The following SREBF1 variants were observed in gnomAD, a reference collection of about 807,000 sequenced individuals.
SREBF1 encodes sterol regulatory element-binding protein 1.
SREBF1 carries 45 observed loss-of-function variants against 100.1 expected under a neutral mutation model. The observed-to-expected ratio is 0.45, with a 90% CI of 0.35 to 0.58. SREBF1 has a LOEUF of 0.58. Ranked by LOEUF, SREBF1 falls within the 20% of genes least tolerant of loss-of-function variation. SREBF1 has a pLI of 0.00. For missense variants in SREBF1, 1,324 were observed against 1,539.4 expected (o/e 0.86, Z 2.34); for synonymous variants, 657 against 681.8 (o/e 0.96, Z 0.57).
intron 5 of SREBF1, 33 bp from the exon 6 acceptor site, chr17:17,818,407 G>C: frequency 6.4e-7 from 1 of 1,561,396 alleles, no homozygotes; most frequent in South Asian, 1.1e-5. Context: ...GGAGCGCACA[G>C]GTGGCCTGTC....
chr17:17,830,134 A>G (rs2034767730), intron 1 of SREBF1, among the ~76,000 whole-genome samples: 1 of 152,194 alleles, frequency 6.6e-6, no homozygotes, highest in Admixed American at 6.5e-5. Context: ...ATTGCTGCTA[A>G]CATTTGTTGA....
chr17:17,816,559 C>T lies in SREBF1; in HGVS notation c.1945G>A (p.Ala649Thr). Reference protein sequence around the residue: ...LWVGRWLAGRAGGLQQDCALR... With the variant: ...LWVGRWLAGRTGGLQQDCALR... The stretch of plus-strand genomic sequence containing the variant: ...GCACAGTCCTGCTGCAGGCCCCCTG[C>T]CCGGCCTGCCAGCCAGCGGCCCACC... The change falls in exon 10 of 19, where the codon GCA becomes ACA. Residue 649 changes from alanine (A) to threonine (T), a missense_variant. By Grantham distance (58) the Ala-to-Thr change is moderately conservative. Coordinates refer to ENST00000261646, the MANE Select transcript of SREBF1 (RefSeq NM_004176.5). 6.2e-7 allele frequency: 1 copy of T among 1,604,176 alleles called. No individual in the cohort carries two copies. The highest frequency in any genetic ancestry group is 1.1e-5 in the South Asian group (1 of 89,678).
chr17:17,821,039 C>T (rs1567977828), intron 1 of SREBF1, among the ~76,000 whole-genome samples: 1 of 152,216 alleles, frequency 6.6e-6, no homozygotes, highest in Non-Finnish European at 1.5e-5. Context: ...AACTAAGCAA[C>T]TTTCTGGGGA....
chr17:17,812,667 C>T lies in SREBF1; in HGVS notation c.3399G>A (p.Gln1133=). The change falls in exon 19 of 19, where the codon CAG becomes CAA. Residue 1133 remains glutamine (Q), a synonymous_variant. Transcript: ENST00000261646. The stretch of plus-strand genomic sequence containing the variant: ...TCCCACCGCCCAGGCGCATGAGCAT[C>T]TGCTGACAGTCGTGCAGCAGCCGGC... The part of the protein sequence containing the change: ...GDRRLLHDCQ[Q]MLMRLGGGTT... 1 of 1,608,978 alleles carries T rather than the reference C, an allele frequency of 6.2e-7. No individual in the cohort carries two copies. The highest frequency in any genetic ancestry group is 1.1e-5 in the South Asian group (1 of 90,248).
Position 17,811,674 on chromosome 17 carries a change from G to T in SREBF1, c.*948C>A. 2.2e-6 allele frequency: 1 copy of T among 452,274 alleles called. No homozygotes were observed. The highest frequency in any genetic ancestry group is 4.4e-6 in the Non-Finnish European group (1 of 225,342). The allele number at this position is 452,274 out of a possible 1,614,324, so 28.0% of individuals were successfully genotyped here. A position where few individuals can be genotyped will look rare whatever the true frequency, so the allele number is the denominator to read the frequency against. On this transcript the variant is annotated 3_prime_UTR_variant, in exon 19 of 19. Transcript: ENST00000261646. ...CTTTGCTGTGAGATGACCAGGGGCC[G>T]GGATGGGGGAGGTGAGACGTGCCAG...
In SREBF1 at chr17:17,824,295, A is replaced by C. The variant is rs1362177034; in HGVS notation, c.92-3774T>G. On this transcript the variant is annotated intron_variant, in intron 1 of 18. Transcript: ENST00000261646. This position sits in a 1 kb window ranked among gnomAD's most constrained non-coding sequence, Gnocchi z 4.2. ...GGGGCTGATGGTCTGGGATGAGGCC[A>C]CTCCTGAAAACAGGTCACTTCCGGG... Among the ~76,000 whole-genome samples the C allele has an allele frequency of 1.3e-5, 2 of 152,048 alleles. No individual in the cohort carries two copies. Among genetic ancestry groups the C allele is most frequent in the Non-Finnish European group, 2.9e-5 (2 of 67,982 alleles).
Position 17,813,779 on chromosome 17 carries a change from G to T in SREBF1, c.2902-10C>A. On this transcript the variant is annotated splice_polypyrimidine_tract_variant and intron_variant, in intron 16 of 18. Coordinates refer to ENST00000261646, the MANE Select transcript of SREBF1 (RefSeq NM_004176.5). ...GGAACAGCTGCACGGCCTGGGGGTG[G>T]CAGGCAGGGCAGGGGTCACCAGGGC... 6.5e-7 allele frequency: 1 copy of T among 1,535,112 alleles called. No homozygotes were observed. The highest frequency in any genetic ancestry group is 8.7e-7 in the Non-Finnish European group (1 of 1,146,402).
chr17:17,823,643 C>A, intron 1 of SREBF1: 1 of 1,533,870 alleles, frequency 6.5e-7, no homozygotes, highest in African/African-American at 1.4e-5. Flanking sequence ...AGCCGTTGAG[C>A]GCTGCGGCGC....
At chr17:17,813,903 C>T (rs1302588645) in intron 16 of SREBF1, 134 bp from the exon 17 acceptor site, 1 of 965,462 alleles carries the variant, frequency 1.0e-6, no homozygotes. Flanking sequence ...ACGTGCAATG[C>T]AACAGCAATG....
rs1189994079 is a variant in SREBF1 at position 17,817,100 on chromosome 17, A to G, written c.1643T>C (p.Val548Ala). ...CAACAGCCCATTGAGCAGCCAGACC[A>G]CTGGGGGCAGCAGCCACTGGGCCCA... ...PGWAQWLLPPVVWLLNGLLVL... is the reference protein window; with the variant it reads ...PGWAQWLLPPAVWLLNGLLVL... The change falls in exon 9 of 19, where the codon GTG becomes GCG. Residue 548 changes from valine to alanine, a missense_variant. Physicochemically the swap from Val to Ala is moderately conservative, Grantham distance 64 (BLOSUM62 0). Transcript: ENST00000261646. This position sits in a 1 kb window ranked among gnomAD's most constrained non-coding sequence, Gnocchi z 6.6. 1 of 1,612,918 alleles carries G rather than the reference A, an allele frequency of 6.2e-7. No homozygotes were observed. Among genetic ancestry groups the G allele is most frequent in the South Asian group, 1.1e-5 (1 of 91,084 alleles).
Position 17,814,616 on chromosome 17 carries a change from C to T in SREBF1, c.2734G>A (p.Glu912Lys), listed in dbSNP as rs933401209. ...EHLPRVLQES[E>K]RPLPRAALHS... The stretch of plus-strand genomic sequence containing the variant: ...AGGAGGAACCTGCCGTGCACTCACT[C>T]AGACTCCTGCAGCACCCGGGGCAGG... The change falls in exon 15 of 19, where the codon GAG becomes AAG. Residue 912 changes from glutamate (E) to lysine (K), a missense_variant and splice_region_variant. Glu to Lys is a moderately conservative substitution (Grantham distance 56, BLOSUM62 1). Coordinates refer to ENST00000261646, the MANE Select transcript of SREBF1 (RefSeq NM_004176.5). The T allele has an allele frequency of 3.2e-6, 5 of 1,541,112 alleles. No individual in the cohort carries two copies. The Admixed American group carries it at 9.7e-5, about 30-fold the overall frequency.
chr17:17,819,509 C>A (rs1288388589), intron 3 of SREBF1, 29 bp downstream of exon 3: 1 of 1,613,344 alleles, frequency 6.2e-7, no homozygotes, highest in Non-Finnish European at 8.5e-7. Context: ...GGGCTGCCCC[C>A]TCCCCAACCC....
rs1380486349 is a variant in SREBF1 at position 17,817,148 on chromosome 17, G to A, written c.1607-12C>T. 3.1e-6 allele frequency: 5 copies of A among 1,612,938 alleles called. No homozygotes were observed. The South Asian group carries it at 4.4e-5, about 14-fold the overall frequency. On this transcript the variant is annotated splice_polypyrimidine_tract_variant and intron_variant, in intron 8 of 18. Coordinates refer to ENST00000261646, the MANE Select transcript of SREBF1 (RefSeq NM_004176.5). The surrounding 1 kb of genome is among the most constrained non-coding windows in gnomAD (Gnocchi z 6.6). ...CCAGCCAGGGCCATCTATGGACAGAGGGAAAGCTGGGGACACAGCTCCCAG... is the reference window on the plus strand; with the variant it reads ...CCAGCCAGGGCCATCTATGGACAGAAGGAAAGCTGGGGACACAGCTCCCAG...
Position 17,818,306 on chromosome 17 carries a change from T to C in SREBF1, c.1137A>G (p.Lys379=). 6.2e-7 allele frequency: 1 copy of C among 1,613,792 alleles called. No individual in the cohort carries two copies. Among genetic ancestry groups the C allele is most frequent in the Admixed American group, 1.7e-5 (1 of 60,000 alleles). ...YIRFLQHSNQ[K]LKQENLSLRT... ...GCAGACTTAGGTTCTCCTGCTTGAG[T>C]TTCTGGTTGCTGTGTTGCAGAAAGC... The change falls in exon 6 of 19, where the codon AAA becomes AAG. Residue 379 remains lysine, a synonymous_variant. Transcript: ENST00000261646.
intron 1 of SREBF1, among the ~76,000 whole-genome samples, chr17:17,831,746 G>C (rs2034876960): frequency 6.6e-6 from 1 of 152,216 alleles, no homozygotes; most frequent in South Asian, 2.1e-4. Flanking sequence ...CCCAGAAGGA[G>C]ACAGGCTCAC....
At chr17:17,816,107 A>C in intron 11 of SREBF1, 79 bp from the exon 12 acceptor site, 1 of 1,412,928 alleles carries the variant, frequency 7.1e-7, no homozygotes, top group Non-Finnish European at 9.3e-7. Context: ...CTTGGCCTGG[A>C]GTCCCCCTGG....
Position 17,820,256 on chromosome 17 carries a change from C to T in SREBF1, c.357G>A (p.Gly119=). 4.3e-6 allele frequency: 7 copies of T among 1,613,826 alleles called. No individual in the cohort carries two copies. Among genetic ancestry groups the T allele is most frequent in the Non-Finnish European group, 5.9e-6 (7 of 1,179,984 alleles). ...GCACTGACTCTTCCTTGATACCAGGCCCAGGGGAGAAAGCGGGCATGGACG... is the reference window on the plus strand; with the variant it reads ...GCACTGACTCTTCCTTGATACCAGGTCCAGGGGAGAAAGCGGGCATGGACG... ...MYPSMPAFSP[G]PGIKEESVPL... The change falls in exon 2 of 19, where the codon GGG becomes GGA. Residue 119 remains glycine, a synonymous_variant. Coordinates refer to ENST00000261646, the MANE Select transcript of SREBF1 (RefSeq NM_004176.5).
Position 17,812,370 on chromosome 17 carries a change from C to T in SREBF1, c.*252G>A, listed in dbSNP as rs2032969415. On this transcript the variant is annotated 3_prime_UTR_variant, in exon 19 of 19. Coordinates refer to ENST00000261646, the MANE Select transcript of SREBF1 (RefSeq NM_004176.5). ...TGCCTGCAGAGCAAGGAGGGGGGCC[C>T]CCCAAAATGGCTCGGCCCCTGCAGT... 5 of 585,636 alleles carry T rather than the reference C, an allele frequency of 8.5e-6. No homozygotes were observed. Among genetic ancestry groups the T allele is most frequent in the South Asian group, 6.3e-5 (3 of 47,468 alleles). The allele number at this position is 585,636 out of a possible 1,614,324, so 36.3% of individuals were successfully genotyped here.
chr17:17,818,539 C>T lies in SREBF1; in HGVS notation c.1069-165G>A, dbSNP rs930660386. 8.3e-5 allele frequency: 54 copies of T among 650,736 alleles called. No homozygotes were observed. The Admixed American group carries it at 1.1e-3, about 13-fold the overall frequency. The allele number at this position is 650,736 out of a possible 1,614,324, so 40.3% of individuals were successfully genotyped here. A position where few individuals can be genotyped will look rare whatever the true frequency, so the allele number is the denominator to read the frequency against. ...CTGAACCGTTCCTCGCCTAGTAGCA[C>T]CCACCTCCCAGGCCGGGCATAGGGT... On this transcript the variant is annotated intron_variant, in intron 5 of 18. Coordinates refer to ENST00000261646, the MANE Select transcript of SREBF1 (RefSeq NM_004176.5).
Sources: gnomAD v4.1 joint callset for allele counts (sites outside exome capture counted in the v4.1 genomes callset) on GRCh38, gnomAD v4.1.1 for gene constraint, Gnocchi (gnomAD v3.1) non-coding constraint, MANE v1.5 for transcripts, NCBI Gene and HGNC (gene_info 2026-07-23, HGNC 2026-07-21) for gene names.